Variants in BANP observed in about 807,000 individuals in gnomAD.
BANP encodes BTG3 associated nuclear protein.
BANP carries 11 observed loss-of-function variants against 68.1 expected under a neutral mutation model. The observed-to-expected ratio is 0.16, with a 90% CI of 0.10 to 0.27. BANP has a LOEUF of 0.27. BANP is among the 10% of genes least tolerant of loss of function. The probability of loss-of-function intolerance (pLI) is 1.00; values close to 1 mark genes in which losing one functional copy is unlikely to be tolerated. For synonymous variants in BANP, 329 were observed against 303.2 expected (o/e 1.09, Z -0.88); for missense variants, 504 against 722.7 (o/e 0.70, Z 3.47).
At chr16:87,998,507 G>A (rs1226572683) in intron 4 of BANP, among the ~76,000 whole-genome samples, 1 of 152,200 alleles carries the variant, frequency 6.6e-6, no homozygotes. Flanking sequence ...CGGCTCCTGA[G>A]GCTCCATGGC....
chr16:88,006,951 A>G (rs2071385842), intron 6 of BANP, among the ~76,000 whole-genome samples: 1 of 149,056 alleles, frequency 6.7e-6, no homozygotes, highest in South Asian at 2.2e-4. Flanking sequence ...CTGTCTCAAA[A>G]AAAAAAAAAA....
chr16:87,958,416 G>C (rs531854867), intron 1 of BANP, among the ~76,000 whole-genome samples: 1 of 152,306 alleles, frequency 6.6e-6, no homozygotes, highest in East Asian at 1.9e-4. Flanking sequence ...ACTTACCATC[G>C]TAGGCCCCAG....
intron 11 of BANP, among the ~76,000 whole-genome samples, chr16:88,050,630 C>T (rs1282666264): frequency 6.6e-6 from 1 of 152,156 alleles, no homozygotes; most frequent in Non-Finnish European, 1.5e-5. Flanking sequence ...GTAAGAGCAT[C>T]TGCACTCAGA....
chr16:87,953,010 C>T (rs2057292171), intron 1 of BANP, among the ~76,000 whole-genome samples: 1 of 152,096 alleles, frequency 6.6e-6, no homozygotes, highest in Admixed American at 6.5e-5. Flanking sequence ...TAAAAAAGAG[C>T]TTCCATTTGT....
chr16:88,053,913 C>T (rs1482930726), intron 11 of BANP, among the ~76,000 whole-genome samples: 2 of 88,402 alleles, frequency 2.3e-5, no homozygotes, highest in African/African-American at 6.2e-5. Context: ...CCACCACCAC[C>T]TCTACCACTG....
chr16:87,989,132 T>C (rs2065222457), intron 4 of BANP, among the ~76,000 whole-genome samples: 1 of 152,234 alleles, frequency 6.6e-6, no homozygotes, highest in African/African-American at 2.4e-5. Flanking sequence ...GCCCCTCTTA[T>C]TTGAAGCTAA....
intron 11 of BANP, among the ~76,000 whole-genome samples, chr16:88,039,436 A>G (rs951245250): frequency 1.4e-5 from 2 of 144,524 alleles, no homozygotes; most frequent in African/African-American, 4.9e-5. Flanking sequence ...TTTCTGCAAC[A>G]TAGTGGTTTA....
chr16:88,035,445 G>T, intron 10 of BANP, 51 bp downstream of exon 10: 2 of 1,497,704 alleles, frequency 1.3e-6, no homozygotes, highest in East Asian at 4.8e-5. Context: ...GTGCCCACAT[G>T]CTCCCGACCT....
intron 6 of BANP, among the ~76,000 whole-genome samples, chr16:88,015,307 G>A (rs1023370829): frequency 6.3e-5 from 9 of 143,326 alleles, no homozygotes; most frequent in South Asian, 4.6e-4. Context: ...CCCTCTGCCC[G>A]TGCCCCCTCA....
chr16:88,037,573 G>GCCCA (rs1189868478), intron 10 of BANP: 16 of 207,702 alleles, frequency 7.7e-5, no homozygotes, highest in Non-Finnish European at 1.3e-4. Flanking sequence ...CCGTGACCTG[G>GCCCA]CGTGGTGATG....
chr16:88,020,608 CAG>C (rs1426410943), intron 7 of BANP, among the ~76,000 whole-genome samples: 4 of 152,166 alleles, frequency 2.6e-5, no homozygotes, highest in East Asian at 1.9e-4. Context: ...GCAGCCTGGA[CAG>C]AGAGGAGTGG....
At chr16:88,019,773 C>A (rs1018088437) in intron 7 of BANP, among the ~76,000 whole-genome samples, 1 of 152,042 alleles carries the variant, frequency 6.6e-6, no homozygotes, top group African/African-American at 2.4e-5. Context: ...AGCCTTGCTC[C>A]TCTGGGAAGC....
At chr16:87,982,969 G>A (rs570937173) in intron 3 of BANP, among the ~76,000 whole-genome samples, 4 of 151,866 alleles carry the variant, frequency 2.6e-5, no homozygotes, top group African/African-American at 9.7e-5. Context: ...CCGGCCTCCC[G>A]CTCCCCTGTC....
At chr16:87,985,062 G>T (rs1363596297) in intron 4 of BANP, among the ~76,000 whole-genome samples, 1 of 152,182 alleles carries the variant, frequency 6.6e-6, no homozygotes, top group Non-Finnish European at 1.5e-5. Context: ...TGTGGACGCC[G>T]AGGAATGGGA....
In BANP at chr16:88,006,030, C is replaced by T. The variant is rs1416801437; in HGVS notation, c.480-60C>T. On this transcript the variant is annotated intron_variant, in intron 5 of 13. Transcript: ENST00000682872. Reference sequence around the variant, plus strand: ...ATTTTGCGATAAGGAAAGCGCTGACCTTCGCGTGCTGCTTGCGGCTCTTAC... The same window carrying T: ...ATTTTGCGATAAGGAAAGCGCTGACTTTCGCGTGCTGCTTGCGGCTCTTAC... The T allele has an allele frequency of 1.8e-5, 29 of 1,609,476 alleles. 1 individual carries two copies. The Admixed American group carries it at 4.8e-4, about 27-fold the overall frequency.
chr16:88,062,966 C>G (rs1450929114), intron 11 of BANP, among the ~76,000 whole-genome samples: 2 of 152,226 alleles, frequency 1.3e-5, no homozygotes, highest in Non-Finnish European at 2.9e-5. Context: ...GGCGTGACCT[C>G]ATTTTTGCTG....
At chr16:87,989,989 C>A (rs969462731) in intron 4 of BANP, among the ~76,000 whole-genome samples, 2 of 152,216 alleles carry the variant, frequency 1.3e-5, no homozygotes, top group African/African-American at 4.8e-5. Flanking sequence ...ATCCAGGACA[C>A]AGGGCAGGTG....
chr16:87,979,275 C>T (rs183760670), intron 2 of BANP, among the ~76,000 whole-genome samples: 15 of 152,274 alleles, frequency 9.9e-5, no homozygotes, highest in African/African-American at 3.4e-4. Context: ...GAGGCCTGTG[C>T]ACTTGGCTTT....
chr16:88,008,419 C>T (rs1342569290), intron 6 of BANP, among the ~76,000 whole-genome samples: 1 of 152,176 alleles, frequency 6.6e-6, no homozygotes, highest in Non-Finnish European at 1.5e-5. Context: ...GCAGTAACGA[C>T]AGACTAATTG....
Sources: allele counts gnomAD v4.1 joint callset (sites outside exome capture counted in the v4.1 genomes callset), GRCh38; gene constraint gnomAD v4.1.1; transcripts MANE v1.5; gene names NCBI Gene and HGNC (gene_info 2026-07-23, HGNC 2026-07-21).